PAPPA: variants seen among roughly 807,000 people sequenced by gnomAD.
PAPPA encodes the protein pappalysin-1.
In PAPPA, 60 loss-of-function variants were observed where a neutral mutation model predicts 164.0. That is an observed-to-expected ratio of 0.37 (90% CI 0.30 to 0.45). The LOEUF (loss-of-function observed/expected upper bound fraction) is 0.45. Among genes scored for constraint, PAPPA ranks in the 20% least tolerant of loss-of-function variants. The probability of loss-of-function intolerance (pLI) is 1.00; values close to 1 mark genes in which losing one functional copy is unlikely to be tolerated. For missense variants in PAPPA, 1,782 were observed against 2,087.3 expected (o/e 0.85, Z 2.85); for synonymous variants, 875 against 814.1 (o/e 1.07, Z -1.27).
rs542670995 is a variant in PAPPA at position 116,256,572 on chromosome 9, T to C, written c.2733-9285T>C. 4.4e-4 allele frequency among the ~76,000 whole-genome samples: 67 copies of C among 151,886 alleles called. 1 individual carries two copies. Among genetic ancestry groups the C allele is most frequent in the Non-Finnish European group, 8.5e-4 (58 of 67,984 alleles). On this transcript the variant is annotated intron_variant, in intron 7 of 21. Coordinates refer to ENST00000328252, the MANE Select transcript of PAPPA (RefSeq NM_002581.5). Reference sequence around the variant, plus strand: ...TAAATGCTAACTAAATAAATTAATATAGTTTTCAGACTAAGGAAACATTTG... The same window carrying C: ...TAAATGCTAACTAAATAAATTAATACAGTTTTCAGACTAAGGAAACATTTG...
At chr9:116,205,901 C>T (rs769500084) in intron 2 of PAPPA, among the ~76,000 whole-genome samples, 5 of 152,148 alleles carry the variant, frequency 3.3e-5, no homozygotes, top group Non-Finnish European at 1.5e-5. Flanking sequence ...GGATTCAAAA[C>T]CTAGGGCTGT....
chr9:116,316,698 A>G (rs1290603000), intron 10 of PAPPA, among the ~76,000 whole-genome samples: 1 of 152,182 alleles, frequency 6.6e-6, no homozygotes, highest in Non-Finnish European at 1.5e-5. Context: ...TAAAAATGGG[A>G]GTTCTTGTTT....
chr9:116,250,011 ATATGTG>A (rs993981159), intron 7 of PAPPA, among the ~76,000 whole-genome samples: 5 of 129,520 alleles, frequency 3.9e-5, no homozygotes, highest in African/African-American at 5.8e-5. Flanking sequence ...GAGTACCTGC[ATATGTG>A]TGTGTGTGTG....
intron 1 of PAPPA, among the ~76,000 whole-genome samples, chr9:116,169,477 G>A (rs1028789757): frequency 3.3e-5 from 5 of 150,986 alleles, no homozygotes; most frequent in South Asian, 4.2e-4. Flanking sequence ...CTGCCACCAC[G>A]CCCAGCTAAT....
At chr9:116,208,374 T>G (rs1039434166) in intron 3 of PAPPA, among the ~76,000 whole-genome samples, 2 of 44,588 alleles carry the variant, frequency 4.5e-5, no homozygotes, top group Non-Finnish European at 8.5e-5. Flanking sequence ...GCTATCTACT[T>G]TTTTTTCCAT....
At position 116,271,712 on chromosome 9, in the gene PAPPA, C is replaced by T. The variant is rs1845139962; in HGVS notation, c.2953+296C>T. Among the ~76,000 whole-genome samples the T allele has an allele frequency of 6.6e-6, 1 of 152,218 alleles. No individual in the cohort carries two copies. Among genetic ancestry groups the T allele is most frequent in the Non-Finnish European group, 1.5e-5 (1 of 68,048 alleles). On this transcript the variant is annotated intron_variant, in intron 9 of 21. Transcript: ENST00000328252. The surrounding 1 kb of genome is among the most constrained non-coding windows in gnomAD (Gnocchi z 4.2). The stretch of plus-strand genomic sequence containing the variant: ...TTACAAACATCCCTGCTTTTCTTCA[C>T]ACTAACTGTCCAGGATGGGTATTAC...
chr9:116,224,042 C>A (rs1389711347), intron 5 of PAPPA, among the ~76,000 whole-genome samples: 1 of 152,232 alleles, frequency 6.6e-6, no homozygotes, highest in Non-Finnish European at 1.5e-5. Context: ...TTCCCTTTCC[C>A]TGCAAAGCCT....
chr9:116,350,652 T>C (rs1043600081), intron 15 of PAPPA, among the ~76,000 whole-genome samples: 3 of 152,216 alleles, frequency 2.0e-5, no homozygotes, highest in African/African-American at 7.2e-5. Context: ...ATGTTATCTC[T>C]CTTAGGCAAT....
intron 9 of PAPPA, among the ~76,000 whole-genome samples, chr9:116,276,434 A>C (rs1160627696): frequency 6.6e-6 from 1 of 152,156 alleles, no homozygotes; most frequent in Non-Finnish European, 1.5e-5. Flanking sequence ...AGTTGGGTCC[A>C]GTTCCCAGTT....
chr9:116,380,664 C>T (rs1846719061), intron 20 of PAPPA, among the ~76,000 whole-genome samples: 1 of 152,238 alleles, frequency 6.6e-6, no homozygotes, highest in Non-Finnish European at 1.5e-5. Context: ...GGTGGTCACA[C>T]AGCAGAGTCA....
chr9:116,164,781 G>A (rs946181999), intron 1 of PAPPA, among the ~76,000 whole-genome samples: 1 of 152,186 alleles, frequency 6.6e-6, no homozygotes, highest in African/African-American at 2.4e-5. Context: ...CAGCTCAGAG[G>A]CTGATGAATG....
Position 116,153,954 on chromosome 9 carries a change from G to T in PAPPA, c.-219G>T, listed in dbSNP as rs1843564796. The stretch of plus-strand genomic sequence containing the variant: ...AAAGGAGCGGGGAGAGAAATTAATT[G>T]CCAACCAGGAGGAGTTGGGCTGTAT... On this transcript the variant is annotated 5_prime_UTR_variant, in exon 1 of 22. Coordinates refer to ENST00000328252, the MANE Select transcript of PAPPA (RefSeq NM_002581.5). The T allele has an allele frequency of 2.7e-6, 1 of 364,126 alleles. No homozygotes were observed. The highest frequency in any genetic ancestry group is 7.8e-5 in the East Asian group (1 of 12,746). 22.6% of individuals were successfully genotyped at this position (364,126 alleles called of 1,614,324 possible).
intron 7 of PAPPA, among the ~76,000 whole-genome samples, chr9:116,239,275 C>G (rs959047262): frequency 2.6e-5 from 4 of 152,082 alleles, no homozygotes; most frequent in Admixed American, 1.3e-4. Context: ...AGTGGAAACC[C>G]CTCTATCGAA....
chr9:116,385,585 C>A (rs1428328785), intron 21 of PAPPA, among the ~76,000 whole-genome samples: 1 of 152,228 alleles, frequency 6.6e-6, no homozygotes, highest in Non-Finnish European at 1.5e-5. Flanking sequence ...AGACTCTTCA[C>A]TAAGGAACCC....
At chr9:116,313,089 A>G (rs1845742581) in intron 10 of PAPPA, among the ~76,000 whole-genome samples, 2 of 151,434 alleles carry the variant, frequency 1.3e-5, no homozygotes. Context: ...TCTCAAAAAA[A>G]AAAAAAAAAA....
chr9:116,165,685 G>A (rs1024226445), intron 1 of PAPPA, among the ~76,000 whole-genome samples: 75 of 152,248 alleles, frequency 4.9e-4, no homozygotes, highest in African/African-American at 1.7e-3. Context: ...TGAATTATTT[G>A]AAATTCCCCC....
intron 18 of PAPPA, among the ~76,000 whole-genome samples, chr9:116,364,215 C>T (rs977626869): frequency 2.6e-5 from 4 of 152,132 alleles, no homozygotes; most frequent in Non-Finnish European, 5.9e-5. Flanking sequence ...TGATGGGGTC[C>T]CAACCTCCAG....
intron 11 of PAPPA, among the ~76,000 whole-genome samples, chr9:116,332,046 TCCA>T (rs1324440952): frequency 6.6e-6 from 1 of 152,136 alleles, no homozygotes; most frequent in Non-Finnish European, 1.5e-5. Flanking sequence ...TTTTTTTTAA[TCCA>T]CCATTTGGAA....
intron 19 of PAPPA, among the ~76,000 whole-genome samples, chr9:116,370,132 G>A (rs538487319): frequency 2.8e-4 from 43 of 152,236 alleles, no homozygotes; most frequent in South Asian, 1.2e-3. Flanking sequence ...TGGGGGTGAG[G>A]CTCTGCTCCA....
Sources: gnomAD v4.1 joint callset for allele counts (sites outside exome capture counted in the v4.1 genomes callset) on GRCh38, gnomAD v4.1.1 for gene constraint, Gnocchi (gnomAD v3.1) non-coding constraint, MANE v1.5 for transcripts, NCBI Gene and HGNC (gene_info 2026-07-23, HGNC 2026-07-21) for gene names.